TRMT9B: variants seen among roughly 807,000 people sequenced by gnomAD.
TRMT9B encodes the protein tRNA methyltransferase 9B (putative).
A neutral mutation model predicts 11.5 loss-of-function variants in TRMT9B; 16 were observed. The observed-to-expected ratio is 1.39, with a 90% CI of 0.94 to 2.11. TRMT9B has a LOEUF of 2.11. Ranked by LOEUF, TRMT9B falls within the 30% of genes most tolerant of loss-of-function variation. The probability of loss-of-function intolerance (pLI) is 0.00; values close to 1 mark genes in which losing one functional copy is unlikely to be tolerated. For synonymous variants in TRMT9B, 274 were observed against 192.4 expected (o/e 1.42, Z -3.51); for missense variants, 941 against 553.8 (o/e 1.70, Z -7.02).
rs181559194 is a variant in TRMT9B, at chr8:12,999,491, A to G, written c.-1-6711A>G. Reference sequence around the variant, plus strand: ...CAAATTATATACTTTAAATATATGCAGTTTGTTATATGTCAATTATACCTA... The same window carrying G: ...CAAATTATATACTTTAAATATATGCGGTTTGTTATATGTCAATTATACCTA... On this transcript the variant is annotated intron_variant, in intron 2 of 4. Coordinates refer to ENST00000524591, the MANE Select transcript of TRMT9B (RefSeq NM_020844.3). 9.9e-5 allele frequency among the ~76,000 whole-genome samples: 15 copies of G among 152,252 alleles called. 1 individual carries two copies. Among genetic ancestry groups the G allele is most frequent in the Non-Finnish European group, 1.6e-4 (11 of 68,004 alleles).
rs1164592895 is a variant in TRMT9B, at chr8:13,029,696, A to G, written c.*7652A>G. Reference sequence around the variant, plus strand: ...AAAATTAACCTTTTAATAATAGATTATCTTTAATGGTTATTAAAAGAATGT... The same window carrying G: ...AAAATTAACCTTTTAATAATAGATTGTCTTTAATGGTTATTAAAAGAATGT... On this transcript the variant is annotated 3_prime_UTR_variant, in exon 5 of 5. Transcript: ENST00000524591. 1.9e-5 allele frequency: 3 copies of G among 154,064 alleles called. No homozygotes were observed. Among genetic ancestry groups the G allele is most frequent in the Non-Finnish European group, 4.4e-5 (3 of 68,052 alleles). 9.5% of individuals were successfully genotyped at this position (154,064 alleles called of 1,614,324 possible).
intron 1 of TRMT9B, chr8:12,962,186 A>T (rs978030219): frequency 6.6e-6 from 1 of 152,408 alleles, no homozygotes; most frequent in African/African-American, 2.4e-5. Flanking sequence ...AGACCTTGAT[A>T]TTCTTGCTTT....
At chr8:13,013,968 A>T (rs1017025399) in intron 4 of TRMT9B, among the ~76,000 whole-genome samples, 1 of 152,198 alleles carries the variant, frequency 6.6e-6, no homozygotes, top group Non-Finnish European at 1.5e-5. Flanking sequence ...AAAAAAATAA[A>T]AACTATTTGA....
In TRMT9B at chr8:13,026,058, G is replaced by C. The variant is rs947063961; in HGVS notation, c.*4014G>C. On this transcript the variant is annotated 3_prime_UTR_variant, in exon 5 of 5. Coordinates refer to ENST00000524591, the MANE Select transcript of TRMT9B (RefSeq NM_020844.3). ...GGAGGAGAACAGAAGTTCTAACTCA[G>C]TACTTGAACTTGGTGGGGGAGGGCA... 2.4e-5 allele frequency: 4 copies of C among 167,014 alleles called. No homozygotes were observed. The highest frequency in any genetic ancestry group is 6.6e-5 in the Admixed American group (1 of 15,264). 10.3% of individuals were successfully genotyped at this position (167,014 alleles called of 1,614,324 possible).
Position 13,012,833 on chromosome 8 carries a change from T to C in TRMT9B, c.304T>C (p.Phe102Leu), listed in dbSNP as rs1811907365. The change falls in exon 4 of 5, where the codon TTC becomes CTC. Residue 102 changes from phenylalanine (F) to leucine (L), a missense_variant. Transcript: ENST00000524591. Reference sequence around the variant, plus strand: ...TAATCTCCCCTTTAGGGATGAGGGCTTCGATGCCATCATCTCCATAGGAGG... The same window carrying C: ...TAATCTCCCCTTTAGGGATGAGGGCCTCGATGCCATCATCTCCATAGGAGG... The part of the protein sequence containing the change: ...NLNLPFRDEG[F>L]DAIISIGVIH... 3 of 1,613,720 alleles carry C rather than the reference T, an allele frequency of 1.9e-6. No individual in the cohort carries two copies. Among genetic ancestry groups the C allele is most frequent in the Admixed American group, 1.7e-5 (1 of 59,994 alleles).
chr8:12,948,382 C>G lies in TRMT9B; in HGVS notation c.-200+2416C>G, dbSNP rs1246077640. On this transcript the variant is annotated intron_variant, in intron 1 of 4. Coordinates refer to ENST00000524591, the MANE Select transcript of TRMT9B (RefSeq NM_020844.3). ...ATAAAGTTGAAAAATTGTAAATGAA[C>G]CATCGTAATTCAAGGAACATCTGTA... 2.0e-5 allele frequency among the ~76,000 whole-genome samples: 3 copies of G among 148,860 alleles called. No homozygotes were observed. The East Asian group carries it at 5.8e-4, about 29-fold the overall frequency.
chr8:13,009,262 T>G (rs1585346616), intron 3 of TRMT9B, among the ~76,000 whole-genome samples: 2 of 150,822 alleles, frequency 1.3e-5, no homozygotes, highest in South Asian at 2.1e-4. Flanking sequence ...TCGAAGCGGG[T>G]GGGGTAGGTG....
intron 2 of TRMT9B, among the ~76,000 whole-genome samples, chr8:12,997,060 C>T (rs867498873): frequency 4.0e-5 from 6 of 150,492 alleles, no homozygotes; most frequent in South Asian, 2.1e-4. Flanking sequence ...TTTCCATAAA[C>T]GGAATCCAAC....
chr8:12,982,195 A>T (rs1201006848), intron 1 of TRMT9B, among the ~76,000 whole-genome samples: 1 of 152,164 alleles, frequency 6.6e-6, no homozygotes, highest in African/African-American at 2.4e-5. Context: ...TGCAATCTGC[A>T]AGAGTGGGAA....
chr8:12,994,920 G>T (rs1238768591), intron 2 of TRMT9B, among the ~76,000 whole-genome samples: 5 of 152,172 alleles, frequency 3.3e-5, no homozygotes, highest in Non-Finnish European at 5.9e-5. Context: ...GACCTCAGGT[G>T]ATCCACTCGC....
intron 1 of TRMT9B, among the ~76,000 whole-genome samples, chr8:12,975,568 C>T (rs752206248): frequency 6.6e-6 from 1 of 151,988 alleles, no homozygotes; most frequent in Non-Finnish European, 1.5e-5. Context: ...GAAACCGAGT[C>T]TCTATTAAAA....
chr8:12,964,600 G>A (rs954100905), intron 1 of TRMT9B, among the ~76,000 whole-genome samples: 2 of 151,998 alleles, frequency 1.3e-5, no homozygotes, highest in African/African-American at 4.8e-5. Context: ...TTTGAGACGG[G>A]GTCTCTCTCT....
rs985580662 is a variant in TRMT9B, at chr8:13,023,172, A to C, written c.*1128A>C. The C allele has an allele frequency of 6.0e-6, 1 of 167,092 alleles. No individual in the cohort carries two copies. Among genetic ancestry groups the C allele is most frequent in the Non-Finnish European group, 1.5e-5 (1 of 68,124 alleles). 10.4% of individuals were successfully genotyped at this position (167,092 alleles called of 1,614,324 possible). On this transcript the variant is annotated 3_prime_UTR_variant, in exon 5 of 5. Transcript: ENST00000524591. Reference sequence around the variant, plus strand: ...TCAATCATGCTTATTAGAAGGATGAATATCCAAGACCAAGATTGACTAATG... The same window carrying C: ...TCAATCATGCTTATTAGAAGGATGACTATCCAAGACCAAGATTGACTAATG...
chr8:12,963,640 C>T lies in TRMT9B; in HGVS notation c.-200+17674C>T, dbSNP rs560193186. On this transcript the variant is annotated intron_variant, in intron 1 of 4. Coordinates refer to ENST00000524591, the MANE Select transcript of TRMT9B (RefSeq NM_020844.3). ...GAGTGTGCCTGTAGTTCTAGCTACT[C>T]GGGAGGCTTGAGCAGAGAGGATTGC... Among the ~76,000 whole-genome samples, 22 of 151,486 alleles carry T rather than the reference C, an allele frequency of 1.5e-4. No homozygotes were observed. The South Asian group carries it at 3.6e-3, about 24-fold the overall frequency.
At chr8:12,992,901 T>C (rs1807626958) in intron 2 of TRMT9B, among the ~76,000 whole-genome samples, 1 of 152,084 alleles carries the variant, frequency 6.6e-6, no homozygotes, top group African/African-American at 2.4e-5. Flanking sequence ...AGTCCTGGAA[T>C]GGATGATTTT....
At chr8:12,952,263 AG>A (rs1792266617) in intron 1 of TRMT9B, 1 of 413,666 alleles carries the variant, frequency 2.4e-6, no homozygotes, top group Non-Finnish European at 5.0e-6. Flanking sequence ...GTTGCGCCCT[AG>A]ATCCGCTGCC....
chr8:13,020,873 T>C (rs377565979), intron 4 of TRMT9B, 135 bp from the exon 5 acceptor site: 6 of 577,006 alleles, frequency 1.0e-5, no homozygotes, highest in African/African-American at 9.6e-5. Context: ...TCTGTCATCA[T>C]CGTTGCCATG....
At chr8:12,959,270 G>A (rs1164234237) in intron 1 of TRMT9B, among the ~76,000 whole-genome samples, 1 of 152,050 alleles carries the variant, frequency 6.6e-6, no homozygotes, top group Admixed American at 6.6e-5. Context: ...AATATGATAT[G>A]CCAAGTGGAA....
chr8:13,010,235 C>A (rs1811345544), intron 3 of TRMT9B: 3 of 878,466 alleles, frequency 3.4e-6, no homozygotes, highest in Non-Finnish European at 4.1e-6. Context: ...CAATTTGTAT[C>A]TTTTGAATTT....
Sources: gnomAD v4.1 joint callset for allele counts (sites outside exome capture counted in the v4.1 genomes callset) on GRCh38, gnomAD v4.1.1 for gene constraint, MANE v1.5 for transcripts, NCBI Gene and HGNC (gene_info 2026-07-23, HGNC 2026-07-21) for gene names.